The following SLC9A8 variants were observed in gnomAD, a reference collection of about 807,000 sequenced individuals.
SLC9A8 encodes sodium/hydrogen exchanger 8.
Under a neutral mutation model 66.6 loss-of-function variants are expected in SLC9A8, and 48 were observed. The observed-to-expected ratio is 0.72, with a 90% CI of 0.57 to 0.92. The LOEUF is 0.92. Ranked by LOEUF, SLC9A8 falls within the 40% of genes least tolerant of loss-of-function variation. The probability of loss-of-function intolerance (pLI) is 0.00; values close to 1 mark genes in which losing one functional copy is unlikely to be tolerated. For missense variants in SLC9A8, 599 were observed against 747.3 expected (o/e 0.80, Z 2.31); for synonymous variants, 274 against 282.6 (o/e 0.97, Z 0.31).
chr20:49,830,500 A>C, intron 3 of SLC9A8: 1 of 762,754 alleles, frequency 1.3e-6, no homozygotes, highest in Non-Finnish European at 2.3e-6. Context: ...TGCTACGTGG[A>C]CATGTCAACG....
At chr20:49,834,661 A>G (rs984216745) in intron 3 of SLC9A8, among the ~76,000 whole-genome samples, 2 of 151,794 alleles carry the variant, frequency 1.3e-5, no homozygotes, top group Admixed American at 1.3e-4. Flanking sequence ...TTATTTAAGT[A>G]ATAATAACAA....
In SLC9A8 at chr20:49,862,886, T is replaced by C. The variant is rs974306437; in HGVS notation, c.714-43T>C. 3 of 1,471,178 alleles carry C rather than the reference T, an allele frequency of 2.0e-6. No homozygotes were observed. In the African/African-American group the frequency reaches 4.2e-5, roughly 21 times the overall value. 91.1% of individuals were successfully genotyped at this position (1,471,178 alleles called of 1,614,324 possible). A position where few individuals can be genotyped will look rare whatever the true frequency, so the allele number is the denominator to read the frequency against. On this transcript the variant is annotated intron_variant, in intron 8 of 15. Coordinates refer to ENST00000361573, the MANE Select transcript of SLC9A8 (RefSeq NM_015266.3). The stretch of plus-strand genomic sequence containing the variant: ...TAAGTTAATTTCTAAGAACTTTGTG[T>C]ATATAACATTTTAATTTATTTCTGT...
chr20:49,847,477 C>G (rs2088049669), intron 5 of SLC9A8, among the ~76,000 whole-genome samples: 1 of 150,028 alleles, frequency 6.7e-6, no homozygotes, highest in African/African-American at 2.5e-5. Flanking sequence ...AGATGACTTT[C>G]CAGCAGGAAA....
At position 49,874,725 on chromosome 20, in the gene SLC9A8, T is replaced by C. The variant is rs372889567; in HGVS notation, c.979T>C (p.Ser327Pro). The change falls in exon 11 of 16, where the codon TCA becomes CCA. Residue 327 changes from serine (S) to proline (P), a missense_variant. Physicochemically the swap from Ser to Pro is moderately conservative, Grantham distance 74. Coordinates refer to ENST00000361573, the MANE Select transcript of SLC9A8 (RefSeq NM_015266.3). ...TCTAGGCATCATGGCCATCCTTTTC[T>C]CAGGCATCGTGATGTCCCACTACAC... ...SLSGIMAILF[S>P]GIVMSHYTHH... The C allele has an allele frequency of 8.7e-6, 14 of 1,610,774 alleles. No homozygotes were observed. Among genetic ancestry groups the C allele is most frequent in the Non-Finnish European group, 8.5e-6 (10 of 1,177,030 alleles).
chr20:49,836,290 A>G (rs1261100053), intron 3 of SLC9A8, among the ~76,000 whole-genome samples: 1 of 152,170 alleles, frequency 6.6e-6, no homozygotes, highest in African/African-American at 2.4e-5. Context: ...GTATGGATAT[A>G]CCACATTTTG....
intron 13 of SLC9A8, among the ~76,000 whole-genome samples, chr20:49,883,026 C>G (rs1382318797): frequency 7.7e-5 from 11 of 142,302 alleles, no homozygotes; most frequent in Non-Finnish European, 3.1e-5. Context: ...CCCCCCTCCC[C>G]CCACCATCTC....
At chr20:49,832,547 T>C (rs184160474) in intron 3 of SLC9A8, among the ~76,000 whole-genome samples, 5 of 152,322 alleles carry the variant, frequency 3.3e-5, no homozygotes, top group African/African-American at 9.6e-5. Flanking sequence ...CCAGCACTTA[T>C]GGTGGAATGT....
intron 10 of SLC9A8, among the ~76,000 whole-genome samples, chr20:49,874,264 C>A (rs9789783): frequency 0.52 from 77,741 of 150,278 alleles, 21,918 homozygotes; most frequent in African/African-American, 0.76. Flanking sequence ...GTCCCCCCCC[C>A]AAAAAAAAGG....
chr20:49,832,602 C>G (rs537554566), intron 3 of SLC9A8, among the ~76,000 whole-genome samples: 1 of 152,344 alleles, frequency 6.6e-6, no homozygotes, highest in East Asian at 1.9e-4. Context: ...TCCCCTCTCC[C>G]CACTCACGGC....
rs533411378 is a variant in SLC9A8 at position 49,847,877 on chromosome 20, C to T, written c.433-1702C>T. Among the ~76,000 whole-genome samples, 6 of 148,234 alleles carry T rather than the reference C, an allele frequency of 4.0e-5. No individual in the cohort carries two copies. In the East Asian group the frequency reaches 1.2e-3, roughly 29 times the overall value. On this transcript the variant is annotated intron_variant, in intron 5 of 15. Transcript: ENST00000361573. Reference sequence around the variant, plus strand: ...TATATAAATTATATCAACATTAGATCTCTGCAAACAGGTCAAAACTGATTA... The same window carrying T: ...TATATAAATTATATCAACATTAGATTTCTGCAAACAGGTCAAAACTGATTA...
rs776937618 is a variant in SLC9A8, at chr20:49,880,911, T to C, written c.1159-13T>C. The C allele has an allele frequency of 3.2e-6, 5 of 1,570,162 alleles. No individual in the cohort carries two copies. The highest frequency in any genetic ancestry group is 4.4e-6 in the Non-Finnish European group (5 of 1,140,196). On this transcript the variant is annotated splice_polypyrimidine_tract_variant and intron_variant, in intron 12 of 15. Coordinates refer to ENST00000361573, the MANE Select transcript of SLC9A8 (RefSeq NM_015266.3). ...ATGTTTTCACCTAAGACTTAGTTTGTTGCTATCAACAGGTGCTTGTACTAT... is the reference window on the plus strand; with the variant it reads ...ATGTTTTCACCTAAGACTTAGTTTGCTGCTATCAACAGGTGCTTGTACTAT...
chr20:49,836,519 G>A (rs1420405183), intron 3 of SLC9A8, among the ~76,000 whole-genome samples: 5 of 151,960 alleles, frequency 3.3e-5, no homozygotes, highest in Non-Finnish European at 5.9e-5. Context: ...TAGTAGAGAC[G>A]GGGTTTCACC....
At chr20:49,815,264 C>A in intron 2 of SLC9A8, 75 bp downstream of exon 2, 1 of 1,278,438 alleles carries the variant, frequency 7.8e-7, no homozygotes, top group Non-Finnish European at 1.0e-6. Flanking sequence ...TTAACCCTGT[C>A]ACTCCTCTTG....
At chr20:49,843,871 G>C (rs1053230381) in intron 4 of SLC9A8, among the ~76,000 whole-genome samples, 5 of 152,098 alleles carry the variant, frequency 3.3e-5, no homozygotes, top group African/African-American at 1.2e-4. Flanking sequence ...TGATGCCCTT[G>C]CTGGGGGAGG....
intron 7 of SLC9A8, 75 bp from the exon 8 acceptor site, chr20:49,855,363 T>G: frequency 6.9e-7 from 1 of 1,450,358 alleles, no homozygotes; most frequent in Non-Finnish European, 9.6e-7. Context: ...AAATATGGCC[T>G]TTGACTTTAA....
At chr20:49,887,253 T>G (rs2089924664) in intron 15 of SLC9A8, among the ~76,000 whole-genome samples, 1 of 152,124 alleles carries the variant, frequency 6.6e-6, no homozygotes, top group African/African-American at 2.4e-5. Flanking sequence ...AGGGCTCTGG[T>G]TCTGTCCCTC....
At chr20:49,882,822 TAG>T (rs925060070) in intron 13 of SLC9A8, among the ~76,000 whole-genome samples, 1 of 152,216 alleles carries the variant, frequency 6.6e-6, no homozygotes, top group Non-Finnish European at 1.5e-5. Flanking sequence ...GTGACAGGTT[TAG>T]AGAGGCTGAG....
intron 2 of SLC9A8, among the ~76,000 whole-genome samples, chr20:49,819,225 A>G (rs2086654267): frequency 6.6e-6 from 1 of 152,230 alleles, no homozygotes; most frequent in Non-Finnish European, 1.5e-5. Context: ...TGGAGTTATT[A>G]TGATTGATAT....
Position 49,849,683 on chromosome 20 carries a change from A to T in SLC9A8, c.534+3A>T. The T allele has an allele frequency of 6.3e-7, 1 of 1,597,502 alleles. No homozygotes were observed. The highest frequency in any genetic ancestry group is 8.6e-7 in the Non-Finnish European group (1 of 1,165,034). On this transcript the variant is annotated splice_donor_region_variant and intron_variant, in intron 6 of 15. Coordinates refer to ENST00000361573, the MANE Select transcript of SLC9A8 (RefSeq NM_015266.3). ...GAGGAATTTATTTTCTGGGTCAGGT[A>T]AGAAAATCATCTTTGAAACACTTTG... is the stretch of plus-strand genomic sequence containing the variant.
Sources: allele counts gnomAD v4.1 joint callset (sites outside exome capture counted in the v4.1 genomes callset), GRCh38; gene constraint gnomAD v4.1.1; transcripts MANE v1.5; gene names NCBI Gene and HGNC (gene_info 2026-07-23, HGNC 2026-07-21).